Variants in CAMKMT observed in about 807,000 individuals in gnomAD.
CAMKMT encodes the protein calmodulin-lysine N-methyltransferase.
Under a neutral mutation model 48.0 loss-of-function variants are expected in CAMKMT, and 53 were observed. The observed-to-expected ratio is 1.10, with a 90% CI of 0.89 to 1.39. The LOEUF (loss-of-function observed/expected upper bound fraction) is 1.39, where lower values mean the gene tolerates loss of function less well. CAMKMT is among the 40% of genes most tolerant of loss of function. The pLI is 0.00. For synonymous variants in CAMKMT, 165 were observed against 152.3 expected, an observed-to-expected ratio of 1.08 and a Z score of -0.61; for missense variants, 428 against 402.7, an observed-to-expected ratio of 1.06 and a Z score of -0.54.
intron 3 of CAMKMT, among the ~76,000 whole-genome samples, chr2:44,507,022 T>C (rs1268308993): frequency 6.6e-6 from 1 of 152,120 alleles, no homozygotes; most frequent in Admixed American, 6.5e-5. Flanking sequence ...AAAATTCTTA[T>C]CTTCAATATT....
At chr2:44,716,571 T>C (rs1020888614) in intron 7 of CAMKMT, among the ~76,000 whole-genome samples, 2 of 152,212 alleles carry the variant, frequency 1.3e-5, no homozygotes, top group Non-Finnish European at 2.9e-5. Flanking sequence ...GTTTCTCATA[T>C]AAATGAACAA....
At chr2:44,465,024 T>C (rs1668037324) in intron 3 of CAMKMT, among the ~76,000 whole-genome samples, 1 of 152,182 alleles carries the variant, frequency 6.6e-6, no homozygotes, top group Non-Finnish European at 1.5e-5. Flanking sequence ...AATTGGATTA[T>C]CTTTTAAATT....
At chr2:44,470,717 A>G (rs549530955) in intron 3 of CAMKMT, among the ~76,000 whole-genome samples, 1 of 152,282 alleles carries the variant, frequency 6.6e-6, no homozygotes, top group South Asian at 2.1e-4. Flanking sequence ...TTCCTTCTCC[A>G]ACAACCTTGC....
intron 3 of CAMKMT, among the ~76,000 whole-genome samples, chr2:44,539,986 A>C (rs1445965988): frequency 6.6e-6 from 1 of 152,110 alleles, no homozygotes; most frequent in Non-Finnish European, 1.5e-5. Context: ...CTTTGAAACT[A>C]TTGAAACATA....
intron 3 of CAMKMT, among the ~76,000 whole-genome samples, chr2:44,642,040 A>T (rs181285340): frequency 6.6e-6 from 1 of 152,320 alleles, no homozygotes; most frequent in African/African-American, 2.4e-5. Context: ...AAAGGCTTGT[A>T]TTGTTTCCAG....
At chr2:44,481,715 T>A (rs1194250538) in intron 3 of CAMKMT, among the ~76,000 whole-genome samples, 1 of 152,102 alleles carries the variant, frequency 6.6e-6, no homozygotes, top group Non-Finnish European at 1.5e-5. Flanking sequence ...TTATGTTTTG[T>A]AAGTAAAATC....
intron 1 of CAMKMT, among the ~76,000 whole-genome samples, chr2:44,370,516 T>C (rs1380842097): frequency 7.2e-5 from 11 of 152,178 alleles, no homozygotes; most frequent in Admixed American, 7.2e-4. Context: ...AACCTCCCTG[T>C]ATCACATTGA....
intron 3 of CAMKMT, among the ~76,000 whole-genome samples, chr2:44,679,605 A>G (rs532903076): frequency 7.9e-5 from 12 of 152,242 alleles, no homozygotes; most frequent in Non-Finnish European, 1.5e-4. Context: ...AGCCTGCGCC[A>G]TGTCAGAAAA....
intron 3 of CAMKMT, among the ~76,000 whole-genome samples, chr2:44,488,683 C>T (rs973183404): frequency 6.6e-6 from 1 of 151,742 alleles, no homozygotes; most frequent in Non-Finnish European, 1.5e-5. Flanking sequence ...GCCTGGGTGA[C>T]AAGCGAGATC....
At chr2:44,593,499 C>T (rs763709988) in intron 3 of CAMKMT, among the ~76,000 whole-genome samples, 4 of 152,178 alleles carry the variant, frequency 2.6e-5, no homozygotes, top group Non-Finnish European at 5.9e-5. Flanking sequence ...CTGCAGGGCT[C>T]CATTTGGGTT....
chr2:44,474,304 G>A (rs909656191), intron 3 of CAMKMT, among the ~76,000 whole-genome samples: 6 of 151,976 alleles, frequency 3.9e-5, no homozygotes, highest in South Asian at 2.1e-4. Context: ...AAAATTAGCC[G>A]GGTGTGGTGG....
chr2:44,679,643 G>A (rs1675908788), intron 3 of CAMKMT, among the ~76,000 whole-genome samples: 1 of 152,244 alleles, frequency 6.6e-6, no homozygotes, highest in South Asian at 2.1e-4. Flanking sequence ...AATGAGTTGA[G>A]TATTCTTATA....
chr2:44,434,252 G>A, intron 3 of CAMKMT, among the ~76,000 whole-genome samples: 1 of 151,440 alleles, frequency 6.6e-6, no homozygotes. Flanking sequence ...TGTTGGTTGA[G>A]GTTTCCATTG....
At chr2:44,382,510 GCT>G (rs1680351227) in intron 2 of CAMKMT, among the ~76,000 whole-genome samples, 1 of 145,756 alleles carries the variant, frequency 6.9e-6, no homozygotes, top group Admixed American at 6.9e-5. Context: ...ACAGAGTCTC[GCT>G]CTGTCACCCA....
At chr2:44,389,357 G>A (rs1681095345) in intron 2 of CAMKMT, among the ~76,000 whole-genome samples, 1 of 152,100 alleles carries the variant, frequency 6.6e-6, no homozygotes, top group South Asian at 2.1e-4. Flanking sequence ...TTCAGCATAA[G>A]AATTTGGGGA....
chr2:44,384,060 A>G (rs997125229), intron 2 of CAMKMT, among the ~76,000 whole-genome samples: 12 of 152,194 alleles, frequency 7.9e-5, no homozygotes, highest in African/African-American at 2.9e-4. Flanking sequence ...CACTGTTTCC[A>G]TAGTGGTTGT....
At chr2:44,647,146 A>G (rs1199627962) in intron 3 of CAMKMT, among the ~76,000 whole-genome samples, 1 of 152,136 alleles carries the variant, frequency 6.6e-6, no homozygotes, top group African/African-American at 2.4e-5. Context: ...TCCTCTAGCT[A>G]CATAGCTAGC....
intron 3 of CAMKMT, among the ~76,000 whole-genome samples, chr2:44,687,267 A>G (rs767888700): frequency 5.9e-5 from 9 of 152,222 alleles, no homozygotes; most frequent in Non-Finnish European, 1.3e-4. Flanking sequence ...ATAAAAGACA[A>G]ATATAAAAAT....
chr2:44,556,486 G>A (rs1306592303), intron 3 of CAMKMT, among the ~76,000 whole-genome samples: 4 of 47,882 alleles, frequency 8.4e-5, no homozygotes, highest in Admixed American at 4.5e-4. Context: ...TTTTTGAGAC[G>A]GAGTCTCGCT....
Sources: gnomAD v4.1 joint callset for allele counts (sites outside exome capture counted in the v4.1 genomes callset) on GRCh38, gnomAD v4.1.1 for gene constraint, MANE v1.5 for transcripts, NCBI Gene and HGNC (gene_info 2026-07-23, HGNC 2026-07-21) for gene names.